The following CRIM1 variants were observed in gnomAD, a reference collection of about 807,000 sequenced individuals.
CRIM1 encodes the protein cysteine rich transmembrane BMP regulator 1, also known as cysteine-rich motor neuron 1 protein.
Under a neutral mutation model 116.4 loss-of-function variants are expected in CRIM1, and 32 were observed. The ratio of observed to expected loss-of-function variants is 0.27; its 90% confidence interval spans 0.21 to 0.37. CRIM1 has a LOEUF of 0.37. Ranked by LOEUF, CRIM1 falls within the 10% of genes least tolerant of loss-of-function variation. The pLI, the probability that CRIM1 is intolerant of heterozygous loss-of-function variation, is 1.00. For missense variants in CRIM1, 1,331 were observed against 1,354.8 expected, an observed-to-expected ratio of 0.98 and a Z score of 0.28; for synonymous variants, 590 against 509.2, an observed-to-expected ratio of 1.16 and a Z score of -2.13.
At chr2:36,388,468 T>C (rs1165153543) in intron 1 of CRIM1, among the ~76,000 whole-genome samples, 1 of 152,194 alleles carries the variant, frequency 6.6e-6, no homozygotes, top group Non-Finnish European at 1.5e-5. Flanking sequence ...TCAATAAAGA[T>C]GCTAGAATCA....
Position 36,443,164 on chromosome 2 carries a change from C to T in CRIM1, c.869+429C>T, listed in dbSNP as rs371980245. On this transcript the variant is annotated intron_variant, in intron 4 of 16. Transcript: ENST00000280527. ...TTGATGTTTGGAATCACACATCTAC[C>T]CAGACCCATTTCTTGCTGAGGTCAA... Among the ~76,000 whole-genome samples the T allele has an allele frequency of 1.4e-4, 22 of 152,258 alleles. No homozygotes were observed. The East Asian group carries it at 2.9e-3, about 20-fold the overall frequency.
chr2:36,391,703 C>T (rs1216114870), intron 1 of CRIM1, among the ~76,000 whole-genome samples: 1 of 151,938 alleles, frequency 6.6e-6, no homozygotes. Flanking sequence ...AGCCTGAAGC[C>T]CTTTTTGGGT....
chr2:36,493,396 T>C (rs1243024402), intron 7 of CRIM1, among the ~76,000 whole-genome samples: 1 of 152,196 alleles, frequency 6.6e-6, no homozygotes, highest in Non-Finnish European at 1.5e-5. Context: ...GGCAGACAGC[T>C]GCTTTCCACA....
intron 8 of CRIM1, among the ~76,000 whole-genome samples, chr2:36,505,977 A>G (rs1027337201): frequency 2.6e-5 from 4 of 152,042 alleles, no homozygotes; most frequent in African/African-American, 7.2e-5. Flanking sequence ...GCTTTAACAG[A>G]TTTGTATTTT....
chr2:36,379,500 G>C (rs1256768168), intron 1 of CRIM1, among the ~76,000 whole-genome samples: 1 of 152,190 alleles, frequency 6.6e-6, no homozygotes, highest in Non-Finnish European at 1.5e-5. Flanking sequence ...CCTGACAACA[G>C]TGCGGCCTTC....
chr2:36,546,762 G>GTT (rs1558425996), intron 15 of CRIM1, among the ~76,000 whole-genome samples: 6 of 109,474 alleles, frequency 5.5e-5, no homozygotes, highest in African/African-American at 2.2e-4. Context: ...TTCTCACTCT[G>GTT]ATTTTTTTTT....
intron 2 of CRIM1, among the ~76,000 whole-genome samples, chr2:36,427,749 G>A (rs944457899): frequency 2.0e-5 from 3 of 152,184 alleles, no homozygotes; most frequent in East Asian, 1.9e-4. Context: ...CCTCATGGGC[G>A]CTCTCTCTGT....
intron 6 of CRIM1, among the ~76,000 whole-genome samples, chr2:36,478,472 C>T (rs1290630867): frequency 2.0e-5 from 3 of 152,132 alleles, no homozygotes; most frequent in East Asian, 1.9e-4. Flanking sequence ...GATCCAGGCT[C>T]AACGTAGAAA....
chr2:36,484,745 C>T (rs974144140), intron 7 of CRIM1, among the ~76,000 whole-genome samples: 1 of 152,122 alleles, frequency 6.6e-6, no homozygotes, highest in African/African-American at 2.4e-5. Flanking sequence ...TTTTGATGAC[C>T]TTAGGGATTT....
intron 1 of CRIM1, among the ~76,000 whole-genome samples, chr2:36,387,132 G>A (rs1671226881): frequency 1.3e-5 from 2 of 152,122 alleles, no homozygotes; most frequent in African/African-American, 4.8e-5. Context: ...GTTTGGTTAG[G>A]CTGTTCTCTT....
chr2:36,467,421 T>C (rs1358686927), intron 5 of CRIM1, among the ~76,000 whole-genome samples: 1 of 152,242 alleles, frequency 6.6e-6, no homozygotes, highest in Admixed American at 6.5e-5. Flanking sequence ...TGTGTCTGTG[T>C]ATGTATATAT....
chr2:36,447,121 A>G (rs181318043), intron 4 of CRIM1, among the ~76,000 whole-genome samples: 20 of 152,208 alleles, frequency 1.3e-4, no homozygotes, highest in African/African-American at 4.8e-4. Flanking sequence ...CTTTAATTCT[A>G]TGAGGAATTT....
chr2:36,396,715 A>T lies in CRIM1; in HGVS notation c.433A>T (p.Ile145Phe), dbSNP rs766203100. The change falls in exon 2 of 17, where the codon ATT becomes TTT. Residue 145 changes from isoleucine (I) to phenylalanine (F), a missense_variant. Around this residue, in one of 3 missense-constraint regions of CRIM1, gnomAD observed 690 missense variants for 676.0 expected, o/e 1.02. Transcript: ENST00000280527. ...CAATGGGAAATGTGAATGTAACACC[A>T]TTCGAACCTGCAGCAATCCCTTTGA... ...IINGKCECNT[I>F]RTCSNPFEFP... 1.9e-6 allele frequency: 3 copies of T among 1,613,924 alleles called. No individual in the cohort carries two copies. Among genetic ancestry groups the T allele is most frequent in the Non-Finnish European group, 2.5e-6 (3 of 1,179,786 alleles).
intron 1 of CRIM1, among the ~76,000 whole-genome samples, chr2:36,368,291 C>T (rs554932294): frequency 3.3e-5 from 5 of 152,322 alleles, no homozygotes; most frequent in Non-Finnish European, 5.9e-5. Context: ...CAAGCTCCCT[C>T]ACCTCTGTGT....
At chr2:36,526,067 A>G (rs1471314094) in intron 13 of CRIM1, among the ~76,000 whole-genome samples, 1 of 152,204 alleles carries the variant, frequency 6.6e-6, no homozygotes, top group Non-Finnish European at 1.5e-5. Context: ...TGAAAAGTGA[A>G]CAGCTTTGTC....
intron 13 of CRIM1, among the ~76,000 whole-genome samples, chr2:36,533,831 A>G (rs1238870220): frequency 6.6e-6 from 1 of 152,148 alleles, no homozygotes; most frequent in African/African-American, 2.4e-5. Flanking sequence ...TCATTCAGAA[A>G]ACACCACACA....
chr2:36,537,251 A>G lies in CRIM1; in HGVS notation c.2429-101A>G. 6.3e-6 allele frequency: 7 copies of G among 1,113,750 alleles called. No individual in the cohort carries two copies. In the South Asian group the frequency reaches 8.5e-5, roughly 14 times the overall value. The allele number at this position is 1,113,750 out of a possible 1,614,324, so 69.0% of individuals were successfully genotyped here. A position where few individuals can be genotyped will look rare whatever the true frequency, so the allele number is the denominator to read the frequency against. ...CACCAAGTTCCAGAAGTCCTAAAGCATACTGTGATTATACAAAGCTATCCC... is the reference window on the plus strand; with the variant it reads ...CACCAAGTTCCAGAAGTCCTAAAGCGTACTGTGATTATACAAAGCTATCCC... On this transcript the variant is annotated intron_variant, in intron 13 of 16. Coordinates refer to ENST00000280527, the MANE Select transcript of CRIM1 (RefSeq NM_016441.3).
rs1235385697 is a variant in CRIM1, at chr2:36,537,366, A to G, written c.2443A>G (p.Lys815Glu). The G allele has an allele frequency of 1.1e-5, 18 of 1,614,066 alleles. No homozygotes were observed. The highest frequency in any genetic ancestry group is 1.4e-5 in the Non-Finnish European group (17 of 1,180,036). ...CPYCIEDTIP[K>E]KVVCHFSGKA... is the part of the protein sequence containing the mutation. ...CTTTTCACTAGAAGACACAATTCCA[A>G]AGAAGGTGGTGTGCCACTTCAGTGG... The change falls in exon 14 of 17, where the codon AAG becomes GAG. Residue 815 changes from lysine (K) to glutamate (E), a missense_variant. Lys to Glu is a moderately conservative substitution (Grantham distance 56, BLOSUM62 1). Coordinates refer to ENST00000280527, the MANE Select transcript of CRIM1 (RefSeq NM_016441.3).
At chr2:36,527,056 C>T (rs1046930367) in intron 13 of CRIM1, among the ~76,000 whole-genome samples, 1 of 152,048 alleles carries the variant, frequency 6.6e-6, no homozygotes, top group Non-Finnish European at 1.5e-5. Context: ...ATTTCAAGGT[C>T]AGATTTTTAA....
Sources: allele counts gnomAD v4.1 joint callset (sites outside exome capture counted in the v4.1 genomes callset), GRCh38; gene constraint gnomAD v4.1.1; regional missense constraint gnomAD v4.1.1; transcripts MANE v1.5; gene names NCBI Gene and HGNC (gene_info 2026-07-23, HGNC 2026-07-21).